PDIA5: variants seen among roughly 807,000 people sequenced by gnomAD.
The protein encoded by PDIA5 is protein disulfide-isomerase A5.
A neutral mutation model predicts 77.6 loss-of-function variants in PDIA5; 58 were observed. The observed-to-expected ratio is 0.75, with a 90% confidence interval of 0.61 to 0.93. The LOEUF is 0.93. Ranked by LOEUF, PDIA5 falls within the 40% of genes least tolerant of loss-of-function variation. The probability of loss-of-function intolerance (pLI) is 0.00; values close to 1 mark genes in which losing one functional copy is unlikely to be tolerated. For missense variants in PDIA5, 630 were observed against 647.7 expected, an observed-to-expected ratio of 0.97 and a Z score of 0.30; for synonymous variants, 250 against 252.1, an observed-to-expected ratio of 0.99 and a Z score of 0.08.
chr3:123,145,383 C>A lies in PDIA5; in HGVS notation c.911-139C>A, dbSNP rs556479919. 5 of 628,564 alleles carry A rather than the reference C, an allele frequency of 8.0e-6. No individual in the cohort carries two copies. In the South Asian group the frequency reaches 1.0e-4, roughly 13 times the overall value. The allele number at this position is 628,564 out of a possible 1,614,324, so 38.9% of individuals were successfully genotyped here. On this transcript the variant is annotated intron_variant, in intron 11 of 16. Transcript: ENST00000316218. ...TTCTGGTGGATTATGCAAAATATTT[C>A]TTTTCTTTGAGCTGGTGCTGCTGCT...
chr3:123,107,436 T>TC (rs1388578023), intron 6 of PDIA5, among the ~76,000 whole-genome samples: 1 of 152,148 alleles, frequency 6.6e-6, no homozygotes, highest in Non-Finnish European at 1.5e-5. Flanking sequence ...GTGCCTGTGA[T>TC]CCCAGCTACT....
chr3:123,132,619 GC>G (rs1257201515), intron 11 of PDIA5, among the ~76,000 whole-genome samples: 1 of 152,216 alleles, frequency 6.6e-6, no homozygotes, highest in Non-Finnish European at 1.5e-5. Flanking sequence ...TCAAAAAAGT[GC>G]CCGCCATGAG....
intron 3 of PDIA5, among the ~76,000 whole-genome samples, chr3:123,097,619 T>C (rs1161726747): frequency 1.3e-5 from 2 of 152,196 alleles, no homozygotes; most frequent in Non-Finnish European, 2.9e-5. Context: ...TCTAGCCACA[T>C]TCTTTCACAT....
chr3:123,103,502 C>T (rs1455378838), intron 5 of PDIA5, among the ~76,000 whole-genome samples: 1 of 152,164 alleles, frequency 6.6e-6, no homozygotes, highest in Non-Finnish European at 1.5e-5. Context: ...CTGTTTCCCA[C>T]ACGGGGTTGG....
intron 2 of PDIA5, among the ~76,000 whole-genome samples, chr3:123,091,711 T>C (rs1405652664): frequency 1.3e-5 from 2 of 152,214 alleles, no homozygotes; most frequent in Non-Finnish European, 2.9e-5. Context: ...CTGGAGGTGC[T>C]ACCAGGACCA....
chr3:123,151,384 C>T (rs924713945), intron 14 of PDIA5, among the ~76,000 whole-genome samples: 2 of 152,268 alleles, frequency 1.3e-5, no homozygotes, highest in African/African-American at 2.4e-5. Context: ...GAGCCTTGCC[C>T]AAGGCCATGG....
rs147845423 is a variant in PDIA5 at position 123,076,484 on chromosome 3, A to G, written c.42+9278A>G. Among the ~76,000 whole-genome samples, 195 of 152,320 alleles carry G rather than the reference A, an allele frequency of 1.3e-3. 1 individual carries two copies. Among genetic ancestry groups the G allele is most frequent in the African/African-American group, 4.5e-3 (189 of 41,570 alleles). ...GCTACTCACTGATGTTTTCTAGTCA[A>G]TGTAATTTTTTAAAAATGCTACTGT... On this transcript the variant is annotated intron_variant, in intron 1 of 16. Transcript: ENST00000316218.
rs35252405 is a variant in PDIA5 at position 123,079,175 on chromosome 3, C to CTTTTT, written c.43-9974_43-9970dup. On this transcript the variant is annotated intron_variant, in intron 1 of 16. Transcript: ENST00000316218. Reference sequence around the variant, plus strand: ...GGTTATACCACGTATATTTTGAATTCTTTTTTTTTTTTTTTTTTTTTTTGA... The same window carrying CTTTTT: ...GGTTATACCACGTATATTTTGAATTCTTTTTTTTTTTTTTTTTTTTTTTTTTTTGA... 1.7e-3 allele frequency among the ~76,000 whole-genome samples: 156 copies of CTTTTT among 94,030 alleles called. 3 individuals are homozygous for CTTTTT. The highest frequency in any genetic ancestry group is 2.0e-3 in the Non-Finnish European group (97 of 49,434). 61.7% of individuals were successfully genotyped at this position (94,030 alleles called of 152,430 possible).
intron 6 of PDIA5, among the ~76,000 whole-genome samples, chr3:123,110,103 G>T (rs902010387): frequency 6.6e-6 from 1 of 152,192 alleles, no homozygotes; most frequent in Non-Finnish European, 1.5e-5. Flanking sequence ...GTGCTTCACT[G>T]CAGTCCTTGA....
chr3:123,153,117 T>C (rs1268724361), intron 14 of PDIA5, among the ~76,000 whole-genome samples: 1 of 152,140 alleles, frequency 6.6e-6, no homozygotes, highest in Non-Finnish European at 1.5e-5. Context: ...AATGAGAAAA[T>C]TAGATGCAAC....
At chr3:123,092,251 C>A (rs550297275) in intron 2 of PDIA5, 104 bp from the exon 3 acceptor site, 6 of 851,464 alleles carry the variant, frequency 7.0e-6, no homozygotes, top group South Asian at 1.5e-5. Flanking sequence ...TTCTCCACCC[C>A]CTCTAGGATT....
chr3:123,148,058 T>C (rs938525212), intron 13 of PDIA5, among the ~76,000 whole-genome samples: 2 of 152,204 alleles, frequency 1.3e-5, no homozygotes, highest in Admixed American at 6.5e-5. Flanking sequence ...CAGGTTTAAA[T>C]ACTTTCTTAA....
Position 123,068,787 on chromosome 3 carries a change from T to C in PDIA5, c.42+1581T>C, listed in dbSNP as rs566428756. Among the ~76,000 whole-genome samples the C allele has an allele frequency of 2.6e-5, 4 of 152,358 alleles. No homozygotes were observed. The East Asian group carries it at 5.8e-4, about 22-fold the overall frequency. On this transcript the variant is annotated intron_variant, in intron 1 of 16. Transcript: ENST00000316218. ...CCTGCCGTCTGGTGTTGCCCTGGAT[T>C]GGGCAAAGGAGTCAGTCCTGTGAGC...
At chr3:123,139,625 G>A (rs1935578681) in intron 11 of PDIA5, among the ~76,000 whole-genome samples, 1 of 152,190 alleles carries the variant, frequency 6.6e-6, no homozygotes, top group Admixed American at 6.5e-5. Context: ...AGATGGTAGT[G>A]GGGAGGAGAG....
chr3:123,158,646 G>T (rs564489623), intron 15 of PDIA5, among the ~76,000 whole-genome samples: 1 of 152,192 alleles, frequency 6.6e-6, no homozygotes, highest in African/African-American at 2.4e-5. Flanking sequence ...TTGGCCTTAC[G>T]TCCAGCTCCT....
chr3:123,089,214 T>C lies in PDIA5; in HGVS notation c.89T>C (p.Ile30Thr), dbSNP rs780965938. The C allele has an allele frequency of 3.7e-6, 6 of 1,613,956 alleles. No homozygotes were observed. The highest frequency in any genetic ancestry group is 5.1e-6 in the Non-Finnish European group (6 of 1,179,810). ...WLSSAKVSSLIERISDPKDLK... is the reference protein window; with the variant it reads ...WLSSAKVSSLTERISDPKDLK... Reference sequence around the variant, plus strand: ...TCCTCTGCAAAGGTCTCCTCGCTCATTGAGAGAATCTCTGACCCCAAGGAC... The same window carrying C: ...TCCTCTGCAAAGGTCTCCTCGCTCACTGAGAGAATCTCTGACCCCAAGGAC... Residue 30 changes from isoleucine (I) to threonine (T), a missense_variant, in exon 2 of 17, where the codon ATT (isoleucine) becomes ACT (threonine). By Grantham distance (89) the Ile-to-Thr change is moderately conservative (BLOSUM62 -1). Transcript: ENST00000316218.
intron 15 of PDIA5, among the ~76,000 whole-genome samples, chr3:123,155,678 A>T (rs1340706722): frequency 6.6e-6 from 1 of 152,208 alleles, no homozygotes; most frequent in African/African-American, 2.4e-5. Flanking sequence ...CTTCTCATCC[A>T]TGCCAGGCGG....
rs139253433 is a variant in PDIA5, at chr3:123,082,651, G to A, written c.43-6517G>A. 1.4e-3 allele frequency among the ~76,000 whole-genome samples: 218 copies of A among 152,198 alleles called. 1 individual carries two copies. Among genetic ancestry groups the A allele is most frequent in the African/African-American group, 4.9e-3 (202 of 41,542 alleles). Reference sequence around the variant, plus strand: ...CCCTGGAGAGGAAGAGGTGGTCCCCGTGTTACTGCTGTCCTTGCTCCCCTT... The same window carrying A: ...CCCTGGAGAGGAAGAGGTGGTCCCCATGTTACTGCTGTCCTTGCTCCCCTT... On this transcript the variant is annotated intron_variant, in intron 1 of 16. Coordinates refer to ENST00000316218, the MANE Select transcript of PDIA5 (RefSeq NM_006810.4).
At chr3:123,120,984 G>A (rs1486450622) in intron 8 of PDIA5, among the ~76,000 whole-genome samples, 1 of 152,134 alleles carries the variant, frequency 6.6e-6, no homozygotes, top group Non-Finnish European at 1.5e-5. Flanking sequence ...AGATACAACT[G>A]GTTTGAGGGT....
Sources: allele counts gnomAD v4.1 joint callset (sites outside exome capture counted in the v4.1 genomes callset), GRCh38; gene constraint gnomAD v4.1.1; transcripts MANE v1.5; gene names NCBI Gene and HGNC (gene_info 2026-07-23, HGNC 2026-07-21).